CLDN10: variants seen among roughly 807,000 people sequenced by gnomAD.
CLDN10 encodes the protein claudin 10, also known as claudin-10.
A neutral mutation model predicts 22.9 loss-of-function variants in CLDN10; 15 were observed. The ratio of observed to expected loss-of-function variants is 0.65; its 90% CI spans 0.44 to 1.01. The LOEUF (loss-of-function observed/expected upper bound fraction) is 1.01. CLDN10 is among the 50% of genes least tolerant of loss of function. CLDN10 has a pLI of 0.00. For synonymous variants in CLDN10, 114 were observed against 111.4 expected, an observed-to-expected ratio of 1.02 and a Z score of -0.15; for missense variants, 247 against 287.8, an observed-to-expected ratio of 0.86 and a Z score of 1.03.
At chr13:95,467,845 G>A (rs897361746) in intron 1 of CLDN10, among the ~76,000 whole-genome samples, 7 of 152,176 alleles carry the variant, frequency 4.6e-5, no homozygotes, top group African/African-American at 1.7e-4. Context: ...TCAAAACTCA[G>A]GAAGAGCTGA....
At chr13:95,558,419 A>G (rs1566336657) in intron 1 of CLDN10, among the ~76,000 whole-genome samples, 2 of 152,200 alleles carry the variant, frequency 1.3e-5, no homozygotes, top group African/African-American at 4.8e-5. Context: ...GCTAAAAATA[A>G]GTTTGTTTTG....
chr13:95,495,392 T>G (rs946049809), intron 1 of CLDN10, among the ~76,000 whole-genome samples: 4 of 151,768 alleles, frequency 2.6e-5, no homozygotes, highest in African/African-American at 9.7e-5. Flanking sequence ...AAACAAGATC[T>G]TGTTCCCTTG....
upstream of CLDN10, among the ~76,000 whole-genome samples, chr13:95,548,242 C>T (rs2043529938): frequency 6.6e-6 from 1 of 152,194 alleles, no homozygotes; most frequent in African/African-American, 2.4e-5. Context: ...TAATTCCAGG[C>T]TCGAAGGGTA....
At chr13:95,565,149 G>A (rs1283037636) in intron 3 of CLDN10, among the ~76,000 whole-genome samples, 2 of 150,882 alleles carry the variant, frequency 1.3e-5, no homozygotes, top group Non-Finnish European at 2.9e-5. Flanking sequence ...AAAATCTCCT[G>A]CAAGCTTCTA....
intron 1 of CLDN10, among the ~76,000 whole-genome samples, chr13:95,508,503 C>T (rs1306166747): frequency 6.6e-6 from 1 of 152,210 alleles, no homozygotes; most frequent in East Asian, 1.9e-4. Flanking sequence ...AAACCATTGT[C>T]CAAACATACA....
chr13:95,475,461 G>T (rs575622631), intron 1 of CLDN10, among the ~76,000 whole-genome samples: 46 of 152,314 alleles, frequency 3.0e-4, no homozygotes, highest in African/African-American at 1.1e-3. Flanking sequence ...GCCAATTCTC[G>T]GAGACAGAGA....
intron 1 of CLDN10, among the ~76,000 whole-genome samples, chr13:95,475,622 T>TGA (rs2139107804): frequency 6.6e-6 from 1 of 152,254 alleles, no homozygotes; most frequent in South Asian, 2.1e-4. Flanking sequence ...GGGCCCCTGG[T>TGA]GAGGGTGACT....
chr13:95,551,758 T>C (rs2043569029), upstream of CLDN10, among the ~76,000 whole-genome samples: 1 of 152,226 alleles, frequency 6.6e-6, no homozygotes, highest in African/African-American at 2.4e-5. Flanking sequence ...CTCTCATTTA[T>C]GCCCAGATTT....
At position 95,463,298 on chromosome 13, in the gene CLDN10, A is replaced by AT. The variant is rs1343380736; in HGVS notation, c.214+29252dup. Among the ~76,000 whole-genome samples, 2 of 59,708 alleles carry AT rather than the reference A, an allele frequency of 3.3e-5. 1 individual carries two copies. Among genetic ancestry groups the AT allele is most frequent in the Non-Finnish European group, 6.3e-5 (2 of 31,758 alleles). The allele number at this position is 59,708 out of a possible 152,430, so 39.2% of individuals were successfully genotyped here. A position where few individuals can be genotyped will look rare whatever the true frequency, so the allele number is the denominator to read the frequency against. ...GTGCAAATGCTTAATATATATATAT[A>AT]TATATATATATATATATATATATAT... On this transcript the variant is annotated intron_variant, in intron 1 of 4. Transcript: ENST00000376873.
intron 1 of CLDN10, among the ~76,000 whole-genome samples, chr13:95,436,787 C>T (rs1271251664): frequency 6.6e-6 from 1 of 152,100 alleles, no homozygotes; most frequent in Non-Finnish European, 1.5e-5. Context: ...TTGCTGGTTG[C>T]TTTTCTTTTA....
chr13:95,471,455 T>TATATA (rs1566287029), intron 1 of CLDN10, among the ~76,000 whole-genome samples: 1 of 71,474 alleles, frequency 1.4e-5, no homozygotes, highest in African/African-American at 6.6e-5. Flanking sequence ...ATATATATAT[T>TATATA]TTTTTTTTTT....
chr13:95,560,372 T>C lies in CLDN10; in HGVS notation c.383-10T>C. ...ACTAACCATAGTGCTTTCCCTCTAA[T>C]ATTTGTTAGGGCTGTGCTCAATGAC... On this transcript the variant is annotated splice_polypyrimidine_tract_variant and intron_variant, in intron 2 of 4. Transcript: ENST00000299339. The C allele has an allele frequency of 1.2e-6, 2 of 1,613,554 alleles. No individual in the cohort carries two copies. Among genetic ancestry groups the C allele is most frequent in the Non-Finnish European group, 1.7e-6 (2 of 1,179,452 alleles).
intron 1 of CLDN10, among the ~76,000 whole-genome samples, chr13:95,501,428 C>G (rs1436044422): frequency 6.6e-6 from 1 of 152,212 alleles, no homozygotes; most frequent in Non-Finnish European, 1.5e-5. Flanking sequence ...ACCTTCCTGC[C>G]TCAGCCTCCC....
chr13:95,538,616 G>A (rs770062067), intron 1 of CLDN10, among the ~76,000 whole-genome samples: 3 of 152,060 alleles, frequency 2.0e-5, no homozygotes, highest in Non-Finnish European at 4.4e-5. Flanking sequence ...AAATCCTCAC[G>A]CTGCATCTTG....
At chr13:95,490,571 G>A (rs995510744) in intron 1 of CLDN10, among the ~76,000 whole-genome samples, 3 of 152,138 alleles carry the variant, frequency 2.0e-5, no homozygotes, top group Non-Finnish European at 4.4e-5. Flanking sequence ...GTATTTGCAT[G>A]GTTTTGAAGG....
At chr13:95,469,707 C>G (rs887500798) in intron 1 of CLDN10, among the ~76,000 whole-genome samples, 1 of 152,110 alleles carries the variant, frequency 6.6e-6, no homozygotes, top group Non-Finnish European at 1.5e-5. Flanking sequence ...ATCATGAGCC[C>G]AGGATGAGCA....
intron 1 of CLDN10, among the ~76,000 whole-genome samples, chr13:95,545,661 T>A (rs966068379): frequency 6.6e-6 from 1 of 152,228 alleles, no homozygotes; most frequent in Non-Finnish European, 1.5e-5. Context: ...ATATATACCT[T>A]AGTTTGATGT....
chr13:95,509,283 T>C (rs1313922853), intron 1 of CLDN10, among the ~76,000 whole-genome samples: 1 of 152,168 alleles, frequency 6.6e-6, no homozygotes, highest in Non-Finnish European at 1.5e-5. Flanking sequence ...AGTTTTGGAA[T>C]AAGAGACTGT....
intron 1 of CLDN10, among the ~76,000 whole-genome samples, chr13:95,499,033 T>A (rs2042956347): frequency 6.6e-6 from 1 of 152,212 alleles, no homozygotes; most frequent in Admixed American, 6.5e-5. Flanking sequence ...TTTTCATCCA[T>A]GTTGTAGCAT....
Sources: allele counts gnomAD v4.1 joint callset (sites outside exome capture counted in the v4.1 genomes callset), GRCh38; gene constraint gnomAD v4.1.1; transcripts MANE v1.5; gene names NCBI Gene and HGNC (gene_info 2026-07-23, HGNC 2026-07-21).